COL4A5: variants seen among roughly 807,000 people sequenced by gnomAD.
COL4A5 encodes collagen type IV alpha 5 chain, also known as collagen alpha-5(IV) chain.
COL4A5 carries 26 observed loss-of-function variants against 130.2 expected under a neutral mutation model. The ratio of observed to expected loss-of-function variants is 0.20; its 90% CI spans 0.15 to 0.28. The LOEUF (loss-of-function observed/expected upper bound fraction) is 0.28, where lower values mean the gene tolerates loss of function less well. Among genes scored for constraint, COL4A5 ranks in the 10% least tolerant of loss-of-function variants. The probability of loss-of-function intolerance (pLI) is 1.00; values close to 1 mark genes in which losing one functional copy is unlikely to be tolerated. For missense variants in COL4A5, 1,131 were observed against 1,344.3 expected, an observed-to-expected ratio of 0.84 and a Z score of 2.48; for synonymous variants, 496 against 439.6, an observed-to-expected ratio of 1.13 and a Z score of -1.60.
chrX:108,596,105 C>CCCT (rs1490455556), intron 22 of COL4A5, among the ~76,000 whole-genome samples: 17 of 111,728 alleles, frequency 1.5e-4, no homozygotes, highest in African/African-American at 5.5e-4. Context: ...ATCTGTCAGA[C>CCCT]CCTCAACTGT....
chrX:108,691,199 G>A (rs73253698), intron 49 of COL4A5, among the ~76,000 whole-genome samples: 2 of 110,905 alleles, frequency 1.8e-5, no homozygotes, highest in East Asian at 2.8e-4. Context: ...AGAGAAGTGG[G>A]TTAAGGGATA....
intron 38 of COL4A5, 143 bp from the exon 39 acceptor site, chrX:108,666,352 CT>C (rs2068078717): frequency 4.1e-6 from 2 of 491,684 alleles, no homozygotes; most frequent in East Asian, 3.7e-5. Flanking sequence ...CATTATCCTC[CT>C]TCATATTTTT....
Position 108,665,536 on chromosome X carries a change from A to G in COL4A5, c.3403A>G (p.Ile1135Val), listed in dbSNP as rs747614562. Residue 1135 changes from isoleucine (I) to valine (V), a missense_variant, in exon 38 of 53, where the codon ATT becomes GTT. Coordinates refer to ENST00000328300, the MANE Select transcript of COL4A5 (RefSeq NM_033380.3). ...CCCAGGCCCTCCTGGACCAAAAGGT[A>G]TTAGTGGCCCTCCTGGGAACCCCGG... The part of the protein sequence containing the change: ...GTPGPPGPKG[I>V]SGPPGNPGLP... 80 of 1,206,849 alleles carry G rather than the reference A, an allele frequency of 6.6e-5. No homozygotes were observed. The highest frequency in any genetic ancestry group is 5.9e-5 in the Non-Finnish European group (53 of 892,745).
At position 108,539,754 on chromosome X, in the gene COL4A5, T is replaced by C. The variant is rs104886047; in HGVS notation, c.90T>C (p.Tyr30=). 1.5e-5 allele frequency: 18 copies of C among 1,207,069 alleles called. No homozygotes were observed. The Admixed American group carries it at 3.5e-4, about 24-fold the overall frequency. The change falls in exon 2 of 53, where the codon TAT becomes TAC. Residue 30 remains tyrosine, a synonymous_variant. Coordinates refer to ENST00000328300, the MANE Select transcript of COL4A5 (RefSeq NM_033380.3). ...CTTTCTCTTCCTTATAGGCTTGCTA[T>C]GGGTGTTCTCCAGGATCAAAGTGTG... ...WGQPAEAAAC[Y]GCSPGSKCDC...
At chrX:108,592,994 T>C (rs948483674) in intron 21 of COL4A5, among the ~76,000 whole-genome samples, 5 of 111,708 alleles carry the variant, frequency 4.5e-5, no homozygotes, top group African/African-American at 1.6e-4. Context: ...ATATGTGAGA[T>C]ATATCTATGT....
At chrX:108,629,806 C>T (rs2147879570) in intron 36 of COL4A5, among the ~76,000 whole-genome samples, 1 of 110,627 alleles carries the variant, frequency 9.0e-6, no homozygotes, top group Admixed American at 9.6e-5. Context: ...AATGCTATCC[C>T]TCCCCCATTC....
chrX:108,539,525 T>C (rs2065504641), intron 1 of COL4A5, among the ~76,000 whole-genome samples: 1 of 111,924 alleles, frequency 8.9e-6, no homozygotes, highest in Non-Finnish European at 1.9e-5. Context: ...ATTATAAAAA[T>C]TATGTTTGCT....
chrX:108,664,070 A>G lies in COL4A5; in HGVS notation c.3374-1437A>G, dbSNP rs2068022791. On this transcript the variant is annotated intron_variant, in intron 37 of 52. Transcript: ENST00000328300. ...CATGGTGGCATGCACCTGTATTCCT[A>G]GCTACTCGGGAGGCTGAGGCAAGAG... Among the ~76,000 whole-genome samples the G allele has an allele frequency of 2.7e-5, 3 of 111,319 alleles. No homozygotes were observed. The South Asian group carries it at 1.1e-3, about 42-fold the overall frequency.
intron 16 of COL4A5, 192 bp from the exon 17 acceptor site, chrX:108,582,692 C>A: frequency 2.7e-6 from 1 of 375,551 alleles, no homozygotes; most frequent in Admixed American, 5.4e-5. Context: ...CACCAAGATT[C>A]AGCTTTTTTT....
At chrX:108,674,840 A>C (rs2147970753) in intron 43 of COL4A5, 87 bp downstream of exon 43, 26 of 972,904 alleles carry the variant, frequency 2.7e-5, no homozygotes, top group Middle Eastern at 5.6e-4. Flanking sequence ...TTTTGCTATA[A>C]TTCAGAAGTC....
chrX:108,472,398 T>A (rs1327559998), intron 1 of COL4A5, among the ~76,000 whole-genome samples: 1 of 111,983 alleles, frequency 8.9e-6, no homozygotes, highest in East Asian at 2.8e-4. Context: ...TGTGTAGATG[T>A]TCAATCCATT....
At chrX:108,447,244 C>T (rs1302665717) in intron 1 of COL4A5, among the ~76,000 whole-genome samples, 1 of 111,229 alleles carries the variant, frequency 9.0e-6, no homozygotes, top group Non-Finnish European at 1.9e-5. Flanking sequence ...TACTCAGAAA[C>T]TTCCCTTCAT....
intron 1 of COL4A5, among the ~76,000 whole-genome samples, chrX:108,486,080 T>A (rs1288778948): frequency 1.8e-5 from 2 of 111,573 alleles, no homozygotes; most frequent in East Asian, 5.7e-4. Flanking sequence ...TGCTTTCTGC[T>A]GTGACAGGGC....
chrX:108,497,678 T>C (rs1175778353), intron 1 of COL4A5, among the ~76,000 whole-genome samples: 1 of 111,862 alleles, frequency 8.9e-6, no homozygotes, highest in African/African-American at 3.2e-5. Context: ...TTCAATTTTC[T>C]TATAAGTAAG....
chrX:108,642,369 C>T (rs1221890799), intron 36 of COL4A5, among the ~76,000 whole-genome samples: 1 of 111,093 alleles, frequency 9.0e-6, no homozygotes, highest in Non-Finnish European at 1.9e-5. Context: ...CCACTGGTTC[C>T]TCTCCATACT....
intron 1 of COL4A5, among the ~76,000 whole-genome samples, chrX:108,478,079 C>T (rs1280578059): frequency 1.8e-5 from 2 of 110,779 alleles, no homozygotes; most frequent in Non-Finnish European, 3.8e-5. Flanking sequence ...TGACCTTAAT[C>T]ACAGAGATGG....
At chrX:108,599,031 G>C (rs114772365) in intron 25 of COL4A5, among the ~76,000 whole-genome samples, 161 bp downstream of exon 25, 1 of 110,300 alleles carries the variant, frequency 9.1e-6, no homozygotes, top group African/African-American at 3.4e-5. Context: ...GTTTTTATAA[G>C]GGGGTTTCTT....
At chrX:108,477,194 T>A (rs961323729) in intron 1 of COL4A5, among the ~76,000 whole-genome samples, 1 of 111,877 alleles carries the variant, frequency 8.9e-6, no homozygotes, top group African/African-American at 3.3e-5. Context: ...ATGCTTTGTA[T>A]CCTTCAGTCG....
At chrX:108,527,598 C>CA (rs1460615596) in intron 1 of COL4A5, among the ~76,000 whole-genome samples, 1 of 111,926 alleles carries the variant, frequency 8.9e-6, no homozygotes, top group Non-Finnish European at 1.9e-5. Flanking sequence ...TGGCTGCTAC[C>CA]ACCCCTCACC....
Sources: gnomAD v4.1 joint callset for allele counts (sites outside exome capture counted in the v4.1 genomes callset) on GRCh38, gnomAD v4.1.1 for gene constraint, MANE v1.5 for transcripts, NCBI Gene and HGNC (gene_info 2026-07-23, HGNC 2026-07-21) for gene names.